PBX1: variants seen among roughly 807,000 people sequenced by gnomAD.
PBX1 encodes pre-B-cell leukemia transcription factor 1.
In PBX1, 6 loss-of-function variants were observed where a neutral mutation model predicts 53.4. The ratio of observed to expected loss-of-function variants is 0.11; its 90% confidence interval spans 0.06 to 0.22. PBX1 has a LOEUF of 0.22. Among genes scored for constraint, PBX1 ranks in the 10% least tolerant of loss-of-function variants. The probability of loss-of-function intolerance (pLI) is 1.00; values close to 1 mark genes in which losing one functional copy is unlikely to be tolerated. For missense variants in PBX1, 251 were observed against 551.4 expected (o/e 0.46, Z 5.46); for synonymous variants, 204 against 212.3 (o/e 0.96, Z 0.34).
intron 2 of PBX1, among the ~76,000 whole-genome samples, chr1:164,748,148 T>C (rs912062354): frequency 2.0e-5 from 3 of 152,146 alleles, no homozygotes; most frequent in Admixed American, 2.0e-4. Flanking sequence ...ATGCAAAGTG[T>C]TAAAACTAAT....
intron 1 of PBX1, among the ~76,000 whole-genome samples, chr1:164,562,269 G>A (rs560568315): frequency 6.6e-6 from 1 of 152,216 alleles, no homozygotes; most frequent in South Asian, 2.1e-4. Flanking sequence ...AGAATTGCAT[G>A]TGTTTTGAGT....
At chr1:164,835,640 T>C (rs972587295) in intron 8 of PBX1, among the ~76,000 whole-genome samples, 1 of 152,214 alleles carries the variant, frequency 6.6e-6, no homozygotes, top group African/African-American at 2.4e-5. Context: ...CTTATTGATT[T>C]CTAAGAACTC....
intron 6 of PBX1, chr1:164,815,069 A>C (rs2102352296): frequency 6.6e-6 from 1 of 152,348 alleles, no homozygotes; most frequent in South Asian, 2.1e-4. Context: ...AAAGAAAGCA[A>C]GAATAGGGGC....
intron 2 of PBX1, chr1:164,590,212 G>GAAA (rs35639960): frequency 4.2e-4 from 144 of 345,326 alleles, no homozygotes; most frequent in Middle Eastern, 2.1e-3. Context: ...ACCCTGTGTT[G>GAAA]AAAAAAAAAA....
chr1:164,562,043 T>A (rs992464661), intron 1 of PBX1, among the ~76,000 whole-genome samples: 3 of 152,136 alleles, frequency 2.0e-5, no homozygotes, highest in African/African-American at 7.2e-5. Flanking sequence ...GTAGATAGTA[T>A]GTCCTTTTTT....
chr1:164,659,747 G>C (rs138728472), intron 2 of PBX1, among the ~76,000 whole-genome samples: 1 of 152,294 alleles, frequency 6.6e-6, no homozygotes, highest in Non-Finnish European at 1.5e-5. Flanking sequence ...CTTGTGTTTT[G>C]AGGGAGCTAA....
chr1:164,697,274 G>A (rs762331711), intron 2 of PBX1, among the ~76,000 whole-genome samples: 6 of 152,146 alleles, frequency 3.9e-5, no homozygotes, highest in African/African-American at 1.4e-4. Flanking sequence ...TTAGAACCTA[G>A]GTTGAATGAC....
In PBX1 at chr1:164,877,728, A is replaced by G. The variant is rs141940586; in HGVS notation, n.258-21460A>G. ...CATATTATGCTCAACTTCATTGAAC[A>G]TAATGACATATAATAAACTGTACAT... is the stretch of plus-strand genomic sequence containing the variant. On this transcript the variant is annotated intron_variant and non_coding_transcript_variant, in intron 2 of 2. Transcript: ENST00000558796. 3.2e-3 allele frequency among the ~76,000 whole-genome samples: 486 copies of G among 152,360 alleles called. 5 individuals carry two copies. Among genetic ancestry groups the G allele is most frequent in the African/African-American group, 0.011 (448 of 41,582 alleles).
At chr1:164,853,852 C>T (rs1021052081), downstream of PBX1, among the ~76,000 whole-genome samples, 2 of 152,146 alleles carry the variant, frequency 1.3e-5, no homozygotes, top group Non-Finnish European at 2.9e-5. Flanking sequence ...CTCACCCCTT[C>T]TCCCAAACCA....
chr1:164,763,062 A>G (rs1303352382), intron 2 of PBX1, among the ~76,000 whole-genome samples: 1 of 152,206 alleles, frequency 6.6e-6, no homozygotes. Flanking sequence ...TACAAATGTG[A>G]AAACAAACCC....
At chr1:164,661,338 T>C (rs1206015057) in intron 2 of PBX1, among the ~76,000 whole-genome samples, 2 of 152,000 alleles carry the variant, frequency 1.3e-5, no homozygotes, top group South Asian at 2.1e-4. Flanking sequence ...ACATTACCAA[T>C]GGTTCATGTC....
At chr1:164,772,381 T>C (rs1201218248) in intron 2 of PBX1, among the ~76,000 whole-genome samples, 1 of 152,202 alleles carries the variant, frequency 6.6e-6, no homozygotes, top group Admixed American at 6.5e-5. Flanking sequence ...AAAGTGTGCT[T>C]GTTTGATGGG....
At chr1:164,790,789 C>G (rs1358877565) in intron 2 of PBX1, among the ~76,000 whole-genome samples, 4 of 152,236 alleles carry the variant, frequency 2.6e-5, no homozygotes, top group African/African-American at 9.6e-5. Flanking sequence ...CATGTGGGCA[C>G]AGCCAGCAGT....
rs149007655 is a variant in PBX1 at position 164,857,071 on chromosome 1, A to G, written n.257+25588A>G. On this transcript the variant is annotated intron_variant and non_coding_transcript_variant, in intron 2 of 2. Coordinates refer to the PBX1 transcript ENST00000558796. ...ACAATCCAACTCAATTCTGACACCA[A>G]CTACCCGGAATTAGCTTCAGACTCC... 5.1e-3 allele frequency among the ~76,000 whole-genome samples: 774 copies of G among 152,300 alleles called. 8 individuals are homozygous for G. The highest frequency in any genetic ancestry group is 0.018 in the African/African-American group (740 of 41,568).
intron 8 of PBX1, among the ~76,000 whole-genome samples, chr1:164,844,447 T>C (rs1225615682): frequency 6.6e-6 from 1 of 152,148 alleles, no homozygotes; most frequent in Non-Finnish European, 1.5e-5. Flanking sequence ...TCTAAATATC[T>C]ATCTGGTAAA....
chr1:164,700,458 T>C lies in PBX1; in HGVS notation c.266-92036T>C. ...TTGGTTACGTAGGGGAGGAGATTCA[T>C]GTTACTTGATTCTCTTAGTGGCACC... On this transcript the variant is annotated intron_variant, in intron 2 of 8. Coordinates refer to ENST00000420696, the MANE Select transcript of PBX1 (RefSeq NM_002585.4). 5.1e-6 allele frequency: 5 copies of C among 985,206 alleles called. No homozygotes were observed. The African/African-American group carries it at 5.2e-5, about 10-fold the overall frequency. 61.0% of individuals were successfully genotyped at this position (985,206 alleles called of 1,614,324 possible).
intron 2 of PBX1, among the ~76,000 whole-genome samples, chr1:164,686,540 A>T (rs1293334300): frequency 6.6e-6 from 1 of 152,186 alleles, no homozygotes; most frequent in African/African-American, 2.4e-5. Context: ...ACTTTAAGGT[A>T]TCAGAAGGTA....
At chr1:164,607,717 G>C (rs1243180124) in intron 2 of PBX1, among the ~76,000 whole-genome samples, 1 of 152,146 alleles carries the variant, frequency 6.6e-6, no homozygotes, top group African/African-American at 2.4e-5. Context: ...GCAGACCAGG[G>C]CCAAACCCTG....
intron 2 of PBX1, among the ~76,000 whole-genome samples, chr1:164,769,678 G>T (rs1413561818): frequency 6.6e-6 from 1 of 152,060 alleles, no homozygotes; most frequent in East Asian, 1.9e-4. Flanking sequence ...TATTACTGTG[G>T]CACCAAATCA....
Sources: allele counts gnomAD v4.1 joint callset (sites outside exome capture counted in the v4.1 genomes callset), GRCh38; gene constraint gnomAD v4.1.1; transcripts MANE v1.5; gene names NCBI Gene and HGNC (gene_info 2026-07-23, HGNC 2026-07-21).